Variants in SRPK2 observed in about 807,000 individuals in gnomAD.
SRPK2 encodes SFRS protein kinase 2.
A neutral mutation model predicts 90.8 loss-of-function variants in SRPK2; 21 were observed. That is an observed-to-expected ratio of 0.23 (90% CI 0.16 to 0.33). The LOEUF (loss-of-function observed/expected upper bound fraction) is 0.33, where lower values mean the gene tolerates loss of function less well. SRPK2 is among the 10% of genes least tolerant of loss of function. The pLI is 1.00. For synonymous variants in SRPK2, 288 were observed against 311.1 expected, an observed-to-expected ratio of 0.93 and a Z score of 0.78; for missense variants, 620 against 869.0, an observed-to-expected ratio of 0.71 and a Z score of 3.60.
At chr7:105,370,381 T>C (rs1406357122) in intron 2 of SRPK2, among the ~76,000 whole-genome samples, 1 of 152,118 alleles carries the variant, frequency 6.6e-6, no homozygotes, top group Non-Finnish European at 1.5e-5. Flanking sequence ...ACCCACACTA[T>C]ATGTTCACAA....
At chr7:105,203,806 T>C (rs1202965789) in intron 2 of SRPK2, 21 bp from the exon 3 acceptor site, 6 of 1,555,924 alleles carry the variant, frequency 3.9e-6, no homozygotes, top group South Asian at 1.2e-5. Flanking sequence ...AGAGAGAAAA[T>C]TGCTATTTAC....
chr7:105,156,967 C>T (rs1319404401), intron 7 of SRPK2, among the ~76,000 whole-genome samples: 2 of 152,136 alleles, frequency 1.3e-5, no homozygotes, highest in African/African-American at 4.8e-5. Context: ...CATAAAGCTT[C>T]AGCAAACAGG....
At chr7:105,369,161 A>ATTATTATTATTC (rs1267799537) in intron 2 of SRPK2, among the ~76,000 whole-genome samples, 1 of 119,352 alleles carries the variant, frequency 8.4e-6, no homozygotes, top group African/African-American at 2.9e-5. Flanking sequence ...TATTATTATT[A>ATTATTATTATTC]TTCGAGATAG....
At chr7:105,265,318 T>C (rs1261180204) in intron 2 of SRPK2, among the ~76,000 whole-genome samples, 1 of 152,212 alleles carries the variant, frequency 6.6e-6, no homozygotes, top group East Asian at 1.9e-4. Flanking sequence ...ACAGAGTGTT[T>C]TCATTGTATT....
At chr7:105,271,260 G>A (rs577932423) in intron 2 of SRPK2, among the ~76,000 whole-genome samples, 1 of 152,162 alleles carries the variant, frequency 6.6e-6, no homozygotes, top group Non-Finnish European at 1.5e-5. Flanking sequence ...CAGCTCTAAC[G>A]AAGTTAATGC....
Position 105,214,751 on chromosome 7 carries a change from A to G in SRPK2, c.72-10966T>C, listed in dbSNP as rs150465604. Among the ~76,000 whole-genome samples the G allele has an allele frequency of 9.4e-3, 1,427 of 152,332 alleles. 11 individuals are homozygous for G. The highest frequency in any genetic ancestry group is 0.03 in the South Asian group (147 of 4,832). On this transcript the variant is annotated intron_variant, in intron 2 of 15. Transcript: ENST00000393651. ...CATATTCATGGATTGGAGACTTAAT[A>G]CTGTTTGCCAATATGGGAAAATGCC...
At chr7:105,138,126 G>GT (rs1416764867) in intron 11 of SRPK2, among the ~76,000 whole-genome samples, 2 of 152,186 alleles carry the variant, frequency 1.3e-5, no homozygotes, top group Non-Finnish European at 2.9e-5. Flanking sequence ...CAGTAAAATT[G>GT]TGACTATAAA....
chr7:105,146,043 T>C (rs1318765286), intron 8 of SRPK2, among the ~76,000 whole-genome samples: 1 of 152,208 alleles, frequency 6.6e-6, no homozygotes, highest in Non-Finnish European at 1.5e-5. Context: ...CTTGATCTTC[T>C]TCCCCCACCA....
chr7:105,132,795 C>T lies in SRPK2; in HGVS notation c.1748G>A (p.Cys583Tyr). 1 of 1,606,512 alleles carries T rather than the reference C, an allele frequency of 6.2e-7. No individual in the cohort carries two copies. The highest frequency in any genetic ancestry group is 8.5e-7 in the Non-Finnish European group (1 of 1,175,790). ...AAAGGGCACAGCCGTCCTTACCATA[C>T]ACGCCGTGCTCCAGATGTCCGCAGG... Reference protein sequence around the residue: ...STPADIWSTACMAFELATGDY... With the variant: ...STPADIWSTAYMAFELATGDY... The change falls in exon 13 of 16, where the codon TGT becomes TAT. Residue 583 changes from cysteine to tyrosine, a missense_variant. By Grantham distance (194) the Cys-to-Tyr change is radical (BLOSUM62 -2). Coordinates refer to ENST00000393651, the MANE Select transcript of SRPK2 (RefSeq NM_182692.3).
At chr7:105,314,878 C>T (rs934770943) in intron 2 of SRPK2, among the ~76,000 whole-genome samples, 1 of 152,156 alleles carries the variant, frequency 6.6e-6, no homozygotes, top group Non-Finnish European at 1.5e-5. Context: ...ATCATTCTTA[C>T]AAAGTATATG....
intron 13 of SRPK2, among the ~76,000 whole-genome samples, chr7:105,129,434 G>A (rs1256370658): frequency 6.6e-6 from 1 of 152,106 alleles, no homozygotes; most frequent in Admixed American, 6.5e-5. Context: ...GAGTGCAGCG[G>A]CACAATTTTG....
chr7:105,190,292 G>C (rs896804323), intron 3 of SRPK2, among the ~76,000 whole-genome samples: 2 of 152,196 alleles, frequency 1.3e-5, no homozygotes, highest in African/African-American at 4.8e-5. Context: ...TTACACAACT[G>C]AATGTGTTCA....
chr7:105,207,389 T>C (rs189120449), intron 2 of SRPK2, among the ~76,000 whole-genome samples: 1 of 152,128 alleles, frequency 6.6e-6, no homozygotes, highest in African/African-American at 2.4e-5. Flanking sequence ...GACCAAGACA[T>C]GACAGGTTAT....
chr7:105,326,488 T>A (rs1031741751), intron 2 of SRPK2, among the ~76,000 whole-genome samples: 9 of 152,322 alleles, frequency 5.9e-5, no homozygotes, highest in Non-Finnish European at 1.3e-4. Flanking sequence ...AGTGCACTGA[T>A]TTGCCCAATA....
intron 2 of SRPK2, among the ~76,000 whole-genome samples, chr7:105,227,539 C>T (rs182577769): frequency 1.3e-3 from 204 of 152,294 alleles, no homozygotes; most frequent in Admixed American, 2.7e-3. Flanking sequence ...AATACCACTT[C>T]ATGTCCAGTA....
chr7:105,229,379 G>A (rs1157913365), intron 2 of SRPK2, among the ~76,000 whole-genome samples: 1 of 151,988 alleles, frequency 6.6e-6, no homozygotes, highest in Non-Finnish European at 1.5e-5. Context: ...CAGAAGAATG[G>A]CGTGAACCCG....
At chr7:105,244,937 C>T in intron 2 of SRPK2, 2 of 1,472,950 alleles carry the variant, frequency 1.4e-6, no homozygotes, top group East Asian at 2.3e-5. Flanking sequence ...ACGTCCTGGC[C>T]GCCATGAGGA....
intron 2 of SRPK2, among the ~76,000 whole-genome samples, chr7:105,248,593 CCCTA>C (rs1477771741): frequency 1.3e-5 from 2 of 151,400 alleles, no homozygotes; most frequent in African/African-American, 4.9e-5. Context: ...CAGAGCAAGA[CCCTA>C]CCTCTTAACA....
chr7:105,246,469 T>C (rs1357722771), intron 2 of SRPK2, among the ~76,000 whole-genome samples: 1 of 152,228 alleles, frequency 6.6e-6, no homozygotes, highest in African/African-American at 2.4e-5. Flanking sequence ...CATATAGATC[T>C]GTGGCTCAGA....
Sources: gnomAD v4.1 joint callset for allele counts (sites outside exome capture counted in the v4.1 genomes callset) on GRCh38, gnomAD v4.1.1 for gene constraint, MANE v1.5 for transcripts, NCBI Gene and HGNC (gene_info 2026-07-23, HGNC 2026-07-21) for gene names.